Variants in AGR3 observed in about 807,000 individuals in gnomAD.
AGR3 encodes anterior gradient 3, protein disulphide isomerase family member, also known as anterior gradient protein 3.
A neutral mutation model predicts 24.5 loss-of-function variants in AGR3; 37 were observed. The observed-to-expected ratio is 1.51, with a 90% confidence interval of 1.16 to 1.99. The LOEUF (loss-of-function observed/expected upper bound fraction) is 1.99, where lower values mean the gene tolerates loss of function less well. Among genes scored for constraint, AGR3 ranks in the 30% most tolerant of loss-of-function variants. The pLI, the probability that AGR3 is intolerant of heterozygous loss-of-function variation, is 0.00. For missense variants in AGR3, 228 were observed against 191.1 expected, an observed-to-expected ratio of 1.19 and a Z score of -1.14; for synonymous variants, 75 against 61.6, an observed-to-expected ratio of 1.22 and a Z score of -1.02.
intron 2 of AGR3, among the ~76,000 whole-genome samples, chr7:16,874,923 C>G (rs1306507532): frequency 1.3e-5 from 2 of 151,932 alleles, no homozygotes; most frequent in Non-Finnish European, 2.9e-5. Context: ...TCAAGACTAG[C>G]CTGGTCAATA....
intron 3 of AGR3, among the ~76,000 whole-genome samples, chr7:16,872,360 G>A (rs892537317): frequency 6.6e-6 from 1 of 152,122 alleles, no homozygotes; most frequent in African/African-American, 2.4e-5. Flanking sequence ...TTGGGGAAAG[G>A]ACACCCTCTT....
rs1411932427 is a variant in AGR3, at chr7:16,859,584, A to G, written c.499T>C (p.Ter167GlnextTer26). 3 of 1,554,824 alleles carry G rather than the reference A, an allele frequency of 1.9e-6. No individual in the cohort carries two copies. The African/African-American group carries it at 4.1e-5, about 21-fold the overall frequency. The change falls in exon 8 of 8, where the codon TAA becomes CAA. Residue 167 changes from the stop codon to glutamine (Q), a stop_lost. Coordinates refer to ENST00000310398, the MANE Select transcript of AGR3 (RefSeq NM_176813.5). ...TGAAGGCTTTTTTCCATCATCTCTT[A>G]TAGCTCTGACTGAATAAGTCTTAAT... ...KALRLIQSEL* is the reference protein window; with the variant it reads ...KALRLIQSELQ
intron 3 of AGR3, chr7:16,865,379 A>G: frequency 9.0e-7 from 1 of 1,107,896 alleles, no homozygotes; most frequent in Non-Finnish European, 1.4e-6. Context: ...TTTTTCCTCC[A>G]TTCTTGTTAG....
chr7:16,858,900 T>A (rs80318082), downstream of AGR3, among the ~76,000 whole-genome samples: 2 of 152,070 alleles, frequency 1.3e-5, no homozygotes, highest in African/African-American at 4.8e-5. Context: ...ATAAATGTAG[T>A]TGAATTTTTA....
At chr7:16,867,426 A>G (rs1007518975) in intron 3 of AGR3, among the ~76,000 whole-genome samples, 2 of 152,170 alleles carry the variant, frequency 1.3e-5, no homozygotes, top group African/African-American at 2.4e-5. Flanking sequence ...GGTGTACAGT[A>G]TGCTGTTTTG....
intron 3 of AGR3, chr7:16,865,730 A>G (rs542655153): frequency 1.3e-5 from 10 of 761,454 alleles, no homozygotes; most frequent in Admixed American, 3.5e-5. Flanking sequence ...GCAAACTGCT[A>G]TCTGAGACTG....
chr7:16,860,179 A>G (rs1002402042), intron 7 of AGR3, among the ~76,000 whole-genome samples: 3 of 152,194 alleles, frequency 2.0e-5, no homozygotes, highest in African/African-American at 7.2e-5. Flanking sequence ...TGATTTTACT[A>G]TCATTTGATG....
intron 2 of AGR3, 36 bp from the exon 3 acceptor site, chr7:16,873,879 G>A: frequency 6.6e-7 from 1 of 1,510,600 alleles, no homozygotes; most frequent in African/African-American, 1.4e-5. Flanking sequence ...CAGTAACCCA[G>A]AACTAGAGAA....
intron 3 of AGR3, chr7:16,866,172 CTT>C: frequency 1.9e-6 from 1 of 527,244 alleles, no homozygotes; most frequent in Admixed American, 2.4e-5. Context: ...TTCTCTATGA[CTT>C]GAGTTATTCA....
At chr7:16,865,879 C>G (rs1279008311) in intron 3 of AGR3, 1 of 728,266 alleles carries the variant, frequency 1.4e-6, no homozygotes, top group African/African-American at 1.7e-5. Context: ...TGGTCGTTGT[C>G]TTTCCACATC....
At chr7:16,863,859 T>C (rs1781697395) in intron 3 of AGR3, among the ~76,000 whole-genome samples, 2 of 152,126 alleles carry the variant, frequency 1.3e-5, no homozygotes, top group Non-Finnish European at 2.9e-5. Context: ...AAACATGCTT[T>C]TTTTTTAAGG....
chr7:16,865,021 T>C (rs1781727999), intron 3 of AGR3: 4 of 845,716 alleles, frequency 4.7e-6, no homozygotes, highest in Non-Finnish European at 8.3e-6. Context: ...AACAAGTATG[T>C]ATCCTGTTCA....
At chr7:16,866,361 TATA>T in intron 3 of AGR3, 1 of 350,814 alleles carries the variant, frequency 2.9e-6, no homozygotes, top group Admixed American at 3.4e-5. Context: ...TACATTAAAC[TATA>T]ATTCACCTCC....
intron 3 of AGR3, among the ~76,000 whole-genome samples, chr7:16,863,035 A>C (rs1781680414): frequency 6.6e-6 from 1 of 152,144 alleles, no homozygotes; most frequent in Admixed American, 6.6e-5. Context: ...GCGCCACTGC[A>C]CTCCAGCCTG....
intron 1 of AGR3, among the ~76,000 whole-genome samples, chr7:16,879,498 G>A (rs1272994364): frequency 6.6e-6 from 1 of 152,196 alleles, no homozygotes; most frequent in Non-Finnish European, 1.5e-5. Context: ...TACAGCATTA[G>A]CATATAAAAC....
At chr7:16,862,745 A>C (rs1325371522) in intron 3 of AGR3, 83 bp from the exon 4 acceptor site, 7 of 878,452 alleles carry the variant, frequency 8.0e-6, no homozygotes, top group African/African-American at 3.6e-5. Context: ...AAATTTTATT[A>C]GCTTCAATAA....
At chr7:16,856,093 T>G (rs1438287322), downstream of AGR3, among the ~76,000 whole-genome samples, 1 of 152,202 alleles carries the variant, frequency 6.6e-6, no homozygotes, top group Non-Finnish European at 1.5e-5. Flanking sequence ...TTCACATTAT[T>G]TTATTAGGTT....
Position 16,864,723 on chromosome 7 carries a change from C to T in AGR3, c.174-2061G>A, listed in dbSNP as rs764141991. 11 of 1,491,184 alleles carry T rather than the reference C, an allele frequency of 7.4e-6. No homozygotes were observed. The Admixed American group carries it at 1.8e-4, about 25-fold the overall frequency. The allele number at this position is 1,491,184 out of a possible 1,614,324, so 92.4% of individuals were successfully genotyped here. ...CCCCATACTTTTTATGTATTAGAAA[C>T]CACTGCGGTGTGTGCGAGGGTCAAA... On this transcript the variant is annotated intron_variant, in intron 3 of 7. Coordinates refer to ENST00000310398, the MANE Select transcript of AGR3 (RefSeq NM_176813.5).
intron 3 of AGR3, among the ~76,000 whole-genome samples, chr7:16,867,736 G>A (rs138412930): frequency 3.9e-5 from 6 of 152,118 alleles, no homozygotes; most frequent in Middle Eastern, 3.4e-3. Flanking sequence ...GTGAGATTAC[G>A]TGACATTTGT....
Sources: gnomAD v4.1 joint callset for allele counts (sites outside exome capture counted in the v4.1 genomes callset) on GRCh38, gnomAD v4.1.1 for gene constraint, MANE v1.5 for transcripts, NCBI Gene and HGNC (gene_info 2026-07-23, HGNC 2026-07-21) for gene names.